Variants in PDE4B observed in about 807,000 individuals in gnomAD.
PDE4B encodes 3',5'-cyclic-AMP phosphodiesterase 4B.
Under a neutral mutation model 82.2 loss-of-function variants are expected in PDE4B, and 20 were observed. The observed-to-expected ratio is 0.24, with a 90% confidence interval of 0.17 to 0.35. The LOEUF is 0.35. Ranked by LOEUF, PDE4B falls within the 10% of genes least tolerant of loss-of-function variation. The probability of loss-of-function intolerance (pLI) is 1.00; values close to 1 mark genes in which losing one functional copy is unlikely to be tolerated. For synonymous variants in PDE4B, 320 were observed against 318.9 expected, an observed-to-expected ratio of 1.00 and a Z score of -0.04; for missense variants, 655 against 907.2, an observed-to-expected ratio of 0.72 and a Z score of 3.57.
chr1:66,031,729 T>C (rs577419341), intron 3 of PDE4B, among the ~76,000 whole-genome samples: 43 of 152,364 alleles, frequency 2.8e-4, no homozygotes, highest in African/African-American at 1.0e-3. Flanking sequence ...AAGATTATCA[T>C]GGAAAAATAA....
chr1:66,292,196 C>T (rs886820570), intron 7 of PDE4B, among the ~76,000 whole-genome samples: 2 of 152,088 alleles, frequency 1.3e-5, no homozygotes, highest in African/African-American at 4.8e-5. Context: ...AATTAAATGA[C>T]CTTTAACAGG....
intron 3 of PDE4B, among the ~76,000 whole-genome samples, chr1:66,228,650 A>T (rs577519946): frequency 2.0e-4 from 30 of 151,576 alleles, no homozygotes; most frequent in African/African-American, 7.3e-4. Flanking sequence ...AAAACATGCT[A>T]TAGTGACTAA....
chr1:65,964,991 G>A (rs1649739444), intron 3 of PDE4B, among the ~76,000 whole-genome samples: 2 of 152,058 alleles, frequency 1.3e-5, no homozygotes, highest in Admixed American at 6.6e-5. Flanking sequence ...GTTGAAGCAC[G>A]CTCGGCTGTT....
intron 1 of PDE4B, among the ~76,000 whole-genome samples, chr1:65,893,946 A>C (rs1569588232): frequency 6.6e-6 from 1 of 152,100 alleles, no homozygotes; most frequent in Non-Finnish European, 1.5e-5. Flanking sequence ...CTAAGCTATG[A>C]GGACACAAAG....
rs1294902394 is a variant in PDE4B at position 66,361,742 on chromosome 1, A to G, written c.969A>G (p.Thr323=). 8 of 1,613,342 alleles carry G rather than the reference A, an allele frequency of 5.0e-6. No homozygotes were observed. Among genetic ancestry groups the G allele is most frequent in the Admixed American group, 1.7e-5 (1 of 59,950 alleles). Residue 323 remains threonine (T), a synonymous_variant, in exon 10 of 17, where the codon ACA becomes ACG. Transcript: ENST00000341517. ...TGCATAGTTCAAGCCTAAACAATAC[A>G]AGCATCTCACGCTTTGGAGTCAACA... ...KLMHSSSLNN[T]SISRFGVNTE...
intron 3 of PDE4B, among the ~76,000 whole-genome samples, chr1:66,240,166 G>A (rs759297884): frequency 2.6e-5 from 4 of 152,212 alleles, no homozygotes; most frequent in African/African-American, 7.2e-5. Flanking sequence ...GAGTATCACC[G>A]TATCACCCAC....
intron 3 of PDE4B, among the ~76,000 whole-genome samples, chr1:66,211,843 C>G (rs149002479): frequency 2.0e-5 from 3 of 152,344 alleles, no homozygotes; most frequent in African/African-American, 4.8e-5. Context: ...TTCCAGGTTA[C>G]CCGATAAGCC....
At chr1:66,028,134 G>A (rs890618202) in intron 3 of PDE4B, among the ~76,000 whole-genome samples, 64 of 152,216 alleles carry the variant, frequency 4.2e-4, no homozygotes, top group African/African-American at 1.4e-3. Flanking sequence ...GCCTGGGCAT[G>A]CGTGCATTTT....
At chr1:65,840,923 T>C (rs1646199715) in intron 1 of PDE4B, among the ~76,000 whole-genome samples, 1 of 152,200 alleles carries the variant, frequency 6.6e-6, no homozygotes. Context: ...TCAGAAATTT[T>C]GTAAATGAAA....
chr1:66,107,872 A>T (rs1440952848), intron 3 of PDE4B, among the ~76,000 whole-genome samples: 1 of 152,038 alleles, frequency 6.6e-6, no homozygotes, highest in African/African-American at 2.4e-5. Flanking sequence ...ATATGTCAAT[A>T]TAAAACAACA....
intron 3 of PDE4B, among the ~76,000 whole-genome samples, chr1:66,096,890 G>T (rs1645130536): frequency 6.6e-6 from 1 of 151,586 alleles, no homozygotes; most frequent in Non-Finnish European, 1.5e-5. Context: ...TTTCATATCT[G>T]GTCAGCATAA....
chr1:66,057,373 T>C (rs1441366275), intron 3 of PDE4B, among the ~76,000 whole-genome samples: 1 of 152,166 alleles, frequency 6.6e-6, no homozygotes, highest in Non-Finnish European at 1.5e-5. Flanking sequence ...ACTAAAAGAG[T>C]CCTTGGATAA....
At chr1:66,246,747 A>T (rs951445164) in intron 3 of PDE4B, among the ~76,000 whole-genome samples, 4 of 152,200 alleles carry the variant, frequency 2.6e-5, no homozygotes, top group African/African-American at 7.2e-5. Flanking sequence ...ACGAAGACCG[A>T]TAGGAAACCT....
intron 3 of PDE4B, among the ~76,000 whole-genome samples, chr1:66,078,201 C>CT (rs1036654450): frequency 1.2e-3 from 162 of 139,872 alleles, no homozygotes; most frequent in Admixed American, 3.7e-3. Context: ...TTCTTTCTTT[C>CT]TTTTTTTTTT....
chr1:66,339,838 GTTT>G (rs1338811452), intron 8 of PDE4B, among the ~76,000 whole-genome samples: 1 of 110,654 alleles, frequency 9.0e-6, no homozygotes, highest in Non-Finnish European at 1.7e-5. Flanking sequence ...TTTTTTGTTT[GTTT>G]TTTTTGTTGT....
chr1:66,080,747 T>C (rs969905931), intron 3 of PDE4B, among the ~76,000 whole-genome samples: 2 of 152,154 alleles, frequency 1.3e-5, no homozygotes, highest in Admixed American at 1.3e-4. Context: ...ATTTTTCTTT[T>C]CTTCTTTGTT....
intron 3 of PDE4B, among the ~76,000 whole-genome samples, chr1:66,034,045 TC>T (rs1653942339): frequency 6.6e-6 from 1 of 152,212 alleles, no homozygotes; most frequent in East Asian, 1.9e-4. Context: ...TCTTTGACTT[TC>T]CATTTTATGT....
rs1312351900 is a variant in PDE4B, at chr1:66,068,263, T to C, written c.281+149428T>C. Among the ~76,000 whole-genome samples the C allele has an allele frequency of 2.0e-5, 3 of 151,860 alleles. No homozygotes were observed. The East Asian group carries it at 5.8e-4, about 29-fold the overall frequency. On this transcript the variant is annotated intron_variant, in intron 3 of 16. Transcript: ENST00000341517. ...AAATACAACTCAAAACCAGCGAAGC[T>C]ATCCCCAGGGATACAGAGAAAGAGT...
At chr1:66,144,850 G>A (rs1274053864) in intron 3 of PDE4B, among the ~76,000 whole-genome samples, 1 of 152,236 alleles carries the variant, frequency 6.6e-6, no homozygotes, top group Non-Finnish European at 1.5e-5. Context: ...AGTAACTGGA[G>A]AGGTATTCTC....
Sources: gnomAD v4.1 joint callset for allele counts (sites outside exome capture counted in the v4.1 genomes callset) on GRCh38, gnomAD v4.1.1 for gene constraint, MANE v1.5 for transcripts, NCBI Gene and HGNC (gene_info 2026-07-23, HGNC 2026-07-21) for gene names.